TPRN: variants seen among roughly 807,000 people sequenced by gnomAD.
TPRN encodes the protein chromosome 9 open reading frame 75.
A neutral mutation model predicts 42.6 loss-of-function variants in TPRN; 32 were observed. The observed-to-expected ratio is 0.75, with a 90% CI of 0.57 to 1.01. The LOEUF is 1.01. Ranked by LOEUF, TPRN falls within the 50% of genes least tolerant of loss-of-function variation. The pLI, the probability that TPRN is intolerant of heterozygous loss-of-function variation, is 0.00. For synonymous variants in TPRN, 541 were observed against 445.6 expected (o/e 1.21, Z -2.70); for missense variants, 1,095 against 957.5 (o/e 1.14, Z -1.90).
At chr9:137,197,617 C>T (rs1284012638) in intron 1 of TPRN, among the ~76,000 whole-genome samples, 1 of 152,264 alleles carries the variant, frequency 6.6e-6, no homozygotes, top group African/African-American at 2.4e-5. Flanking sequence ...GCTGTCCCCA[C>T]TGCCACCTCT....
At chr9:137,197,753 T>C (rs1326146296) in intron 1 of TPRN, among the ~76,000 whole-genome samples, 1 of 152,076 alleles carries the variant, frequency 6.6e-6, no homozygotes, top group African/African-American at 2.4e-5. Flanking sequence ...CCCACCTTGA[T>C]GGGCTGGGGT....
Position 137,199,469 on chromosome 9 carries a change from T to C in TPRN, c.1243A>G (p.Arg415Gly). Residue 415 changes from arginine to glycine, a missense_variant, in exon 1 of 4, where the codon AGG (arginine) becomes GGG (glycine). Arg to Gly is a moderately radical substitution (Grantham distance 125). Transcript: ENST00000409012. ...AGGAAGGGGGGCGGTGAGGACGGCCTCTGCCACCTAATAGCCCGGTCAGCG... is the reference window on the plus strand; with the variant it reads ...AGGAAGGGGGGCGGTGAGGACGGCCCCTGCCACCTAATAGCCCGGTCAGCG... ...ALADRAIRWQ[R>G]PSSPPPFLPA... 6.2e-7 allele frequency: 1 copy of C among 1,600,262 alleles called. No individual in the cohort carries two copies. The highest frequency in any genetic ancestry group is 8.5e-7 in the Non-Finnish European group (1 of 1,174,100).
intron 1 of TPRN, among the ~76,000 whole-genome samples, chr9:137,196,384 C>T (rs569722903): frequency 9.2e-5 from 14 of 152,296 alleles, no homozygotes; most frequent in African/African-American, 3.4e-4. Context: ...GTCAGGAGTT[C>T]GAGACCAACC....
Position 137,200,723 on chromosome 9 carries a change from G to T in TPRN, c.-12C>A. 1 of 1,138,402 alleles carries T rather than the reference G, an allele frequency of 8.8e-7. No individual in the cohort carries two copies. The highest frequency in any genetic ancestry group is 1.1e-6 in the Non-Finnish European group (1 of 928,872). The allele number at this position is 1,138,402 out of a possible 1,614,324, so 70.5% of individuals were successfully genotyped here. ...CCCAGGGCGGCCATGCTGCGAACGC[G>T]GCAGCGGACGGCTGGACTGAGGGCC... On this transcript the variant is annotated 5_prime_UTR_variant, in exon 1 of 4. Coordinates refer to ENST00000409012, the MANE Select transcript of TPRN (RefSeq NM_001128228.3). This position sits in a 1 kb window ranked among gnomAD's most constrained non-coding sequence, Gnocchi z 4.3.
At chr9:137,192,943 C>T in intron 1 of TPRN, 2 of 555,924 alleles carry the variant, frequency 3.6e-6, no homozygotes, top group South Asian at 4.2e-5. Flanking sequence ...GGACCAGGAG[C>T]CCAAAGCCTC....
chr9:137,192,457 T>C lies in TPRN; in HGVS notation c.1960A>G (p.Ser654Gly), dbSNP rs1410040981. Residue 654 changes from serine (S) to glycine (G), a missense_variant, in exon 2 of 4, where the codon AGC becomes GGC. Coordinates refer to ENST00000409012, the MANE Select transcript of TPRN (RefSeq NM_001128228.3). ...CCCCCAGGTGGGCACTCACCTGAGC[T>C]ACCCTCTGGCAGCCGAGAGCTCTCG... ...RPESSRLPEG[S>G]SGLSSYTPKH... 9 of 1,607,288 alleles carry C rather than the reference T, an allele frequency of 5.6e-6. No individual in the cohort carries two copies. Among genetic ancestry groups the C allele is most frequent in the Non-Finnish European group, 4.2e-6 (5 of 1,177,356 alleles).
Position 137,192,250 on chromosome 9 carries a change from G to A in TPRN, c.2073+9C>T, listed in dbSNP as rs771401914. The A allele has an allele frequency of 2.5e-6, 4 of 1,613,090 alleles. No homozygotes were observed. Among genetic ancestry groups the A allele is most frequent in the Non-Finnish European group, 2.5e-6 (3 of 1,179,980 alleles). On this transcript the variant is annotated intron_variant, in intron 3 of 3. Transcript: ENST00000409012. ...ACTCCCCCCAGCGCTCCACTCCCCCGCATCTCACCATGGCCTCCACGGGCG... is the reference window on the plus strand; with the variant it reads ...ACTCCCCCCAGCGCTCCACTCCCCCACATCTCACCATGGCCTCCACGGGCG...
At chr9:137,198,191 G>A (rs1038185350) in intron 1 of TPRN, among the ~76,000 whole-genome samples, 1 of 152,224 alleles carries the variant, frequency 6.6e-6, no homozygotes, top group Admixed American at 6.5e-5. Context: ...TTCCTGACAG[G>A]TCACCGCAGA....
chr9:137,200,178 GGCGGGCGGGCTGGGGGCC>G lies in TPRN; in HGVS notation c.516_533del (p.Ser175_Pro180del), dbSNP rs965912794. On this transcript the variant is annotated inframe_deletion, in exon 1 of 4. Transcript: ENST00000409012. The surrounding 1 kb of genome is among the most constrained non-coding windows in gnomAD (Gnocchi z 4.3). ...CCCCGCCACCGCGGGGCCCGGGCGCGGCGGGCGGGCTGGGGGCCGCGGGCGGGGGCCGGGGCGGCGCGG... is the reference window on the plus strand; with the variant it reads ...CCCCGCCACCGCGGGGCCCGGGCGCGGCGGGCGGGGGCCGGGGCGGCGCGG... 18 of 1,076,628 alleles carry G rather than the reference GGCGGGCGGGCTGGGGGCC, an allele frequency of 1.7e-5. No individual in the cohort carries two copies. Among genetic ancestry groups the G allele is most frequent in the East Asian group, 1.1e-4 (2 of 17,640 alleles). 66.7% of individuals were successfully genotyped at this position (1,076,628 alleles called of 1,614,324 possible). A position where few individuals can be genotyped will look rare whatever the true frequency, so the allele number is the denominator to read the frequency against.
chr9:137,192,238 C>T (rs1834631328), intron 3 of TPRN, 21 bp downstream of exon 3: 2 of 1,613,096 alleles, frequency 1.2e-6, no homozygotes, highest in South Asian at 1.1e-5. Flanking sequence ...CCCCCCAGCG[C>T]TCCACTCCCC....
chr9:137,191,764 CCACTGTGAGGCAGG>C lies in TPRN; in HGVS notation c.*334_*347del. 2.4e-6 allele frequency: 1 copy of C among 417,674 alleles called. No homozygotes were observed. Among genetic ancestry groups the C allele is most frequent in the Non-Finnish European group, 4.5e-6 (1 of 220,614 alleles). 25.9% of individuals were successfully genotyped at this position (417,674 alleles called of 1,614,324 possible). On this transcript the variant is annotated 3_prime_UTR_variant, in exon 4 of 4. Coordinates refer to ENST00000409012, the MANE Select transcript of TPRN (RefSeq NM_001128228.3). ...AGCCCTTCACCCCGACACCCCATGG[CCACTGTGAGGCAGG>C]CTGAGGAGACAGGACAGGGAATGGC...
At position 137,198,999 on chromosome 9, in the gene TPRN, G is replaced by T. The variant is rs1221756900; in HGVS notation, c.1713C>A (p.Ser571=). 8 of 1,613,008 alleles carry T rather than the reference G, an allele frequency of 5.0e-6. No homozygotes were observed. Among genetic ancestry groups the T allele is most frequent in the Non-Finnish European group, 5.9e-6 (7 of 1,179,988 alleles). The change falls in exon 1 of 4, where the codon TCC becomes TCA. Residue 571 remains serine, a synonymous_variant. Coordinates refer to ENST00000409012, the MANE Select transcript of TPRN (RefSeq NM_001128228.3). The part of the protein sequence containing the change: ...LQKSCLTKAG[S]SRKKMKISFN... ...CCCCACCACTGACCTTCTTTCTTGA[G>T]GAGCCAGCCTTGGTGAGGCAGGACT...
chr9:137,200,602 G>T lies in TPRN; in HGVS notation c.110C>A (p.Ala37Glu). Residue 37 changes from alanine (A) to glutamate (E), a missense_variant, in exon 1 of 4, where the codon GCG becomes GAG. Ala to Glu is a moderately radical substitution (Grantham distance 107). Coordinates refer to ENST00000409012, the MANE Select transcript of TPRN (RefSeq NM_001128228.3). This position sits in a 1 kb window ranked among gnomAD's most constrained non-coding sequence, Gnocchi z 4.3. ...RAKLAALGGG[A>E]GPGAAEPEQR... ...CTCGGGCTCCGCCGCCCCGGGCCCC[G>T]CGCCCCCGCCCAGCGCGGCTAGCTT... 1 of 1,158,344 alleles carries T rather than the reference G, an allele frequency of 8.6e-7. No homozygotes were observed. Among genetic ancestry groups the T allele is most frequent in the Non-Finnish European group, 1.1e-6 (1 of 944,428 alleles). The allele number at this position is 1,158,344 out of a possible 1,614,324, so 71.8% of individuals were successfully genotyped here.
chr9:137,199,287 G>A lies in TPRN; in HGVS notation c.1425C>T (p.Leu475=). The change falls in exon 1 of 4, where the codon CTC becomes CTT. Residue 475 remains leucine, a synonymous_variant. Coordinates refer to ENST00000409012, the MANE Select transcript of TPRN (RefSeq NM_001128228.3). ...GGTGCAGAGGCCTGGCAGGGTGCGG[G>A]AGGTAGGGTAGTTTGGCTGCTTGGG... ...EAPQAAKLPY[L]PHPARPLHPA... 3.1e-6 allele frequency: 5 copies of A among 1,612,512 alleles called. No homozygotes were observed. The highest frequency in any genetic ancestry group is 3.4e-6 in the Non-Finnish European group (4 of 1,179,972).
Position 137,200,603 on chromosome 9 carries a change from C to T in TPRN, c.109G>A (p.Ala37Thr). The T allele has an allele frequency of 8.6e-7, 1 of 1,159,236 alleles. No homozygotes were observed. The highest frequency in any genetic ancestry group is 1.1e-6 in the Non-Finnish European group (1 of 944,856). 71.8% of individuals were successfully genotyped at this position (1,159,236 alleles called of 1,614,324 possible). ...TCGGGCTCCGCCGCCCCGGGCCCCG[C>T]GCCCCCGCCCAGCGCGGCTAGCTTG... ...RAKLAALGGG[A>T]GPGAAEPEQR... The change falls in exon 1 of 4, where the codon GCG becomes ACG. Residue 37 changes from alanine (A) to threonine (T), a missense_variant. Coordinates refer to ENST00000409012, the MANE Select transcript of TPRN (RefSeq NM_001128228.3). This position sits in a 1 kb window ranked among gnomAD's most constrained non-coding sequence, Gnocchi z 4.3.
intron 1 of TPRN, chr9:137,193,218 C>G (rs1834653459): frequency 5.9e-6 from 1 of 169,706 alleles, no homozygotes; most frequent in Non-Finnish European, 1.3e-5. Flanking sequence ...CCTGGACAAT[C>G]CAGCAGAGCA....
At position 137,199,358 on chromosome 9, in the gene TPRN, C is replaced by A; in HGVS notation, c.1354G>T (p.Gly452Trp). 1 of 1,612,776 alleles carries A rather than the reference C, an allele frequency of 6.2e-7. No individual in the cohort carries two copies. Among genetic ancestry groups the A allele is most frequent in the Non-Finnish European group, 8.5e-7 (1 of 1,179,996 alleles). Residue 452 changes from glycine to tryptophan, a missense_variant, in exon 1 of 4, where the codon GGG becomes TGG. Coordinates refer to ENST00000409012, the MANE Select transcript of TPRN (RefSeq NM_001128228.3). ...AKNSREYVRP[G>W]LPVTFIDEVD... Reference sequence around the variant, plus strand: ...TCATCGATGAAGGTGACAGGCAGCCCCGGCCTCACATATTCCCGGCTATTC... The same window carrying A: ...TCATCGATGAAGGTGACAGGCAGCCACGGCCTCACATATTCCCGGCTATTC...
chr9:137,193,090 G>A (rs1834651025), intron 1 of TPRN: 3 of 246,266 alleles, frequency 1.2e-5, no homozygotes, highest in African/African-American at 2.2e-5. Context: ...TCTAGAGCAG[G>A]AACAGGGTGG....
At position 137,199,799 on chromosome 9, in the gene TPRN, G is replaced by A; in HGVS notation, c.913C>T (p.Pro305Ser). 1 of 1,602,690 alleles carries A rather than the reference G, an allele frequency of 6.2e-7. No homozygotes were observed. Among genetic ancestry groups the A allele is most frequent in the African/African-American group, 1.3e-5 (1 of 74,898 alleles). Residue 305 changes from proline (P) to serine (S), a missense_variant, in exon 1 of 4, where the codon CCA (proline) becomes TCA (serine). Pro to Ser is a moderately conservative substitution (Grantham distance 74). Transcript: ENST00000409012. ...DSFEIRPAPK[P>S]VMETIPLGDL... ...CCCAAGGGGATGGTCTCCATAACTG[G>A]CTTGGGGGCCGGCCGTATCTCGAAG...
Sources: gnomAD v4.1 joint callset for allele counts (sites outside exome capture counted in the v4.1 genomes callset) on GRCh38, gnomAD v4.1.1 for gene constraint, Gnocchi (gnomAD v3.1) non-coding constraint, MANE v1.5 for transcripts, NCBI Gene and HGNC (gene_info 2026-07-23, HGNC 2026-07-21) for gene names.